KCNB2: variants seen among roughly 807,000 people sequenced by gnomAD.
KCNB2 encodes delayed rectifier potassium channel protein.
Under a neutral mutation model 61.5 loss-of-function variants are expected in KCNB2, and 15 were observed. The ratio of observed to expected loss-of-function variants is 0.24; its 90% confidence interval spans 0.16 to 0.38. KCNB2 has a LOEUF of 0.38. Ranked by LOEUF, KCNB2 falls within the 10% of genes least tolerant of loss-of-function variation. The pLI is 1.00. For missense variants in KCNB2, 828 were observed against 1,125.2 expected (o/e 0.74, Z 3.78); for synonymous variants, 457 against 446.0 (o/e 1.02, Z -0.31).
At chr8:72,786,220 G>T (rs962914574) in intron 2 of KCNB2, among the ~76,000 whole-genome samples, 1 of 152,026 alleles carries the variant, frequency 6.6e-6, no homozygotes. Context: ...TTTAATATAT[G>T]TGCACTCATT....
intron 2 of KCNB2, among the ~76,000 whole-genome samples, chr8:72,715,609 C>T (rs542835027): frequency 6.6e-6 from 1 of 152,242 alleles, no homozygotes; most frequent in Non-Finnish European, 1.5e-5. Context: ...TTCTTTGAAA[C>T]CAACGAGAAC....
intron 2 of KCNB2, among the ~76,000 whole-genome samples, chr8:72,649,569 G>A (rs1273101664): frequency 6.6e-6 from 1 of 152,144 alleles, no homozygotes; most frequent in East Asian, 1.9e-4. Context: ...AAACCTGCAT[G>A]TGTATCCCCT....
intron 2 of KCNB2, among the ~76,000 whole-genome samples, chr8:72,646,395 A>C (rs1454257223): frequency 6.6e-6 from 1 of 152,166 alleles, no homozygotes; most frequent in African/African-American, 2.4e-5. Context: ...ATTGTCCCTC[A>C]AAACTAAACT....
intron 2 of KCNB2, among the ~76,000 whole-genome samples, chr8:72,743,797 C>T (rs1165372334): frequency 6.6e-6 from 1 of 152,078 alleles, no homozygotes; most frequent in African/African-American, 2.4e-5. Flanking sequence ...TTCAACTATA[C>T]TTTAAAATAT....
At chr8:72,800,177 A>G (rs934556535) in intron 2 of KCNB2, among the ~76,000 whole-genome samples, 3 of 152,144 alleles carry the variant, frequency 2.0e-5, no homozygotes, top group African/African-American at 4.8e-5. Context: ...GTGTAAACAT[A>G]TTTTGTTTTG....
intron 2 of KCNB2, among the ~76,000 whole-genome samples, chr8:72,593,500 C>G (rs989136446): frequency 3.3e-5 from 5 of 152,146 alleles, no homozygotes; most frequent in Non-Finnish European, 7.4e-5. Context: ...CTACTGAGGT[C>G]GGTATTGAGA....
chr8:72,745,028 T>C (rs1038835488), intron 2 of KCNB2, among the ~76,000 whole-genome samples: 2 of 152,156 alleles, frequency 1.3e-5, no homozygotes, highest in African/African-American at 4.8e-5. Context: ...ACTTAGGACA[T>C]AGGCAGAAAG....
intron 2 of KCNB2, among the ~76,000 whole-genome samples, chr8:72,753,289 A>C (rs1440352): frequency 0.35 from 52,488 of 152,096 alleles, 9,500 homozygotes; most frequent in African/African-American, 0.45. Context: ...TTGATACCAC[A>C]ATATGATATT....
chr8:72,585,341 A>G (rs1292403868), intron 2 of KCNB2, among the ~76,000 whole-genome samples: 1 of 152,144 alleles, frequency 6.6e-6, no homozygotes, highest in East Asian at 1.9e-4. Context: ...ACTCCCATGC[A>G]TTTATTTGTT....
intron 2 of KCNB2, among the ~76,000 whole-genome samples, chr8:72,764,738 C>A (rs1671928643): frequency 6.6e-6 from 1 of 152,120 alleles, no homozygotes; most frequent in Admixed American, 6.5e-5. Context: ...TACCCAATTC[C>A]TGATTGCTTA....
intron 2 of KCNB2, among the ~76,000 whole-genome samples, chr8:72,582,274 C>T (rs1023717680): frequency 1.3e-5 from 2 of 152,170 alleles, no homozygotes; most frequent in South Asian, 2.1e-4. Context: ...GCAGAGGGAC[C>T]GCAGAAGGCA....
chr8:72,561,666 G>A lies in KCNB2; in HGVS notation c.-93-5976G>A, dbSNP rs542971343. Among the ~76,000 whole-genome samples the A allele has an allele frequency of 2.4e-3, 302 of 124,224 alleles. 7 individuals are homozygous for A. The South Asian group carries it at 0.04, about 16-fold the overall frequency. The allele number at this position is 124,224 out of a possible 152,430, so 81.5% of individuals were successfully genotyped here. A position where few individuals can be genotyped will look rare whatever the true frequency, so the allele number is the denominator to read the frequency against. ...CAGGTTTGTTGAATTTCTTAGAATA[G>A]CTGAAAATTTCCAGGATCTTACTTT... is the stretch of plus-strand genomic sequence containing the variant. On this transcript the variant is annotated intron_variant, in intron 1 of 2. Coordinates refer to ENST00000523207, the MANE Select transcript of KCNB2 (RefSeq NM_004770.3).
At chr8:72,566,373 C>T (rs767034090) in intron 1 of KCNB2, among the ~76,000 whole-genome samples, 6 of 152,072 alleles carry the variant, frequency 3.9e-5, no homozygotes, top group East Asian at 1.9e-4. Flanking sequence ...GGACAAAACC[C>T]GAGTTTGGGA....
intron 2 of KCNB2, among the ~76,000 whole-genome samples, chr8:72,711,944 A>G (rs1000914198): frequency 6.6e-6 from 1 of 152,230 alleles, no homozygotes; most frequent in African/African-American, 2.4e-5. Context: ...GTGAGCTGAG[A>G]TCACACCACT....
chr8:72,541,415 A>G (rs1404049434), intron 1 of KCNB2, among the ~76,000 whole-genome samples: 1 of 152,114 alleles, frequency 6.6e-6, no homozygotes, highest in East Asian at 1.9e-4. Flanking sequence ...ATGTTCAGAG[A>G]CTTTTCTTAA....
intron 2 of KCNB2, among the ~76,000 whole-genome samples, chr8:72,923,926 T>G (rs1169205437): frequency 6.6e-6 from 1 of 152,206 alleles, no homozygotes; most frequent in Non-Finnish European, 1.5e-5. Flanking sequence ...CCAAAACATC[T>G]TCACATGCAT....
intron 2 of KCNB2, among the ~76,000 whole-genome samples, chr8:72,846,751 A>G (rs578112348): frequency 1.3e-5 from 2 of 152,290 alleles, no homozygotes; most frequent in South Asian, 4.2e-4. Flanking sequence ...TAAAAAGTCA[A>G]GAAACAACAG....
chr8:72,667,763 C>T (rs1160787315), intron 2 of KCNB2, among the ~76,000 whole-genome samples: 1 of 152,212 alleles, frequency 6.6e-6, no homozygotes, highest in Non-Finnish European at 1.5e-5. Flanking sequence ...CTTCCCCACA[C>T]AGAAATTATG....
At chr8:72,591,458 G>A (rs762658732) in intron 2 of KCNB2, among the ~76,000 whole-genome samples, 2 of 152,102 alleles carry the variant, frequency 1.3e-5, no homozygotes, top group Non-Finnish European at 2.9e-5. Context: ...TCTTTCACAA[G>A]TCATAGAAAA....
Sources: gnomAD v4.1 joint callset for allele counts (sites outside exome capture counted in the v4.1 genomes callset) on GRCh38, gnomAD v4.1.1 for gene constraint, MANE v1.5 for transcripts, NCBI Gene and HGNC (gene_info 2026-07-23, HGNC 2026-07-21) for gene names.